The following LMNTD1 variants were observed in gnomAD, a reference collection of about 807,000 sequenced individuals.
The protein encoded by LMNTD1 is lamin tail domain-containing protein 1.
A neutral mutation model predicts 50.9 loss-of-function variants in LMNTD1; 35 were observed. That is an observed-to-expected ratio of 0.69 (90% CI 0.53 to 0.91). LMNTD1 has a LOEUF of 0.91. Among genes scored for constraint, LMNTD1 ranks in the 40% least tolerant of loss-of-function variants. The pLI is 0.00. For synonymous variants in LMNTD1, 153 were observed against 161.9 expected, an observed-to-expected ratio of 0.94 and a Z score of 0.42; for missense variants, 470 against 475.5, an observed-to-expected ratio of 0.99 and a Z score of 0.11.
chr12:25,615,047 C>A (rs549815490), intron 1 of LMNTD1, among the ~76,000 whole-genome samples: 1 of 152,288 alleles, frequency 6.6e-6, no homozygotes, highest in South Asian at 2.1e-4. Flanking sequence ...CCGTCACAAT[C>A]TGAGGTACTG....
At chr12:25,580,814 G>T (rs1023734760) in intron 1 of LMNTD1, among the ~76,000 whole-genome samples, 2 of 152,138 alleles carry the variant, frequency 1.3e-5, no homozygotes, top group East Asian at 1.9e-4. Context: ...CAGACAAACC[G>T]GAAATTGAAT....
At chr12:25,636,645 GA>G (rs1468153452) in intron 1 of LMNTD1, among the ~76,000 whole-genome samples, 3 of 152,060 alleles carry the variant, frequency 2.0e-5, no homozygotes, top group Admixed American at 6.6e-5. Context: ...TCTGCCCAGA[GA>G]AAAAGAAGAC....
At chr12:25,581,228 G>T (rs1340543179) in intron 1 of LMNTD1, among the ~76,000 whole-genome samples, 1 of 152,174 alleles carries the variant, frequency 6.6e-6, no homozygotes, top group Non-Finnish European at 1.5e-5. Context: ...CTAGGGATAA[G>T]CTAAAGGCCC....
intron 1 of LMNTD1, among the ~76,000 whole-genome samples, chr12:25,560,590 G>C (rs188274031): frequency 6.6e-6 from 1 of 152,264 alleles, no homozygotes; most frequent in African/African-American, 2.4e-5. Flanking sequence ...GAAAGTCATT[G>C]GTAGCTTGAT....
chr12:25,565,229 G>GT (rs938464943), intron 1 of LMNTD1, among the ~76,000 whole-genome samples: 72 of 150,290 alleles, frequency 4.8e-4, no homozygotes, highest in African/African-American at 6.8e-4. Context: ...GCCATTTTAT[G>GT]TTTTTTTTTG....
At position 25,476,082 on chromosome 12, in the gene LMNTD1, A is replaced by G. The variant is rs911627348; in HGVS notation, c.*401T>C. The stretch of plus-strand genomic sequence containing the variant: ...ATATTTAATGAAATGTGGCACAGTT[A>G]TGGAAAAAAGAGATTTATCAGTCAA... On this transcript the variant is annotated 3_prime_UTR_variant, in exon 10 of 10. Transcript: ENST00000458174. The G allele has an allele frequency of 1.3e-5, 2 of 152,258 alleles. No homozygotes were observed. Among genetic ancestry groups the G allele is most frequent in the Non-Finnish European group, 2.9e-5 (2 of 68,048 alleles). 9.4% of individuals were successfully genotyped at this position (152,258 alleles called of 1,614,324 possible). A position where few individuals can be genotyped will look rare whatever the true frequency, so the allele number is the denominator to read the frequency against.
At position 25,552,581 on chromosome 12, in the gene LMNTD1, G is replaced by GAAAAAAAAAAAA. The variant is rs55848800; in HGVS notation, c.89+278_89+289dup. Among the ~76,000 whole-genome samples, 4 of 58,162 alleles carry GAAAAAAAAAAAA rather than the reference G, an allele frequency of 6.9e-5. 1 individual carries two copies. The highest frequency in any genetic ancestry group is 1.3e-4 in the Non-Finnish European group (4 of 30,882). The allele number at this position is 58,162 out of a possible 152,430, so 38.2% of individuals were successfully genotyped here. A position where few individuals can be genotyped will look rare whatever the true frequency, so the allele number is the denominator to read the frequency against. ...AAGATCGCGCCACTGCACTCTGTCT[G>GAAAAAAAAAAAA]AAAAAAAAAAAAAAAAAAAACGGAA... On this transcript the variant is annotated intron_variant, in intron 2 of 9. Coordinates refer to ENST00000458174, the MANE Select transcript of LMNTD1 (RefSeq NM_001145728.2).
intron 1 of LMNTD1, among the ~76,000 whole-genome samples, chr12:25,558,963 TAC>T (rs953436257): frequency 6.4e-5 from 9 of 139,894 alleles, no homozygotes; most frequent in African/African-American, 8.8e-5. Context: ...GTCATTGACT[TAC>T]AGTTTTTTTT....
At chr12:25,567,996 G>A (rs990570831) in intron 1 of LMNTD1, among the ~76,000 whole-genome samples, 3 of 152,144 alleles carry the variant, frequency 2.0e-5, no homozygotes, top group African/African-American at 7.2e-5. Context: ...GGTTAGAGGG[G>A]TTTGGAGGGC....
At chr12:25,532,899 G>A (rs754628891) in intron 4 of LMNTD1, among the ~76,000 whole-genome samples, 2 of 151,952 alleles carry the variant, frequency 1.3e-5, no homozygotes, top group Non-Finnish European at 2.9e-5. Flanking sequence ...TTTCAGACTT[G>A]CTTTTTCTGC....
At chr12:25,497,109 G>A (rs372583154) in intron 9 of LMNTD1, among the ~76,000 whole-genome samples, 14 of 151,968 alleles carry the variant, frequency 9.2e-5, no homozygotes, top group South Asian at 4.1e-4. Context: ...TTCATCTGTC[G>A]ATGAACACGT....
At chr12:25,546,682 T>C (rs1943456548) in intron 3 of LMNTD1, 128 bp from the exon 4 acceptor site, 1 of 496,180 alleles carries the variant, frequency 2.0e-6, no homozygotes, top group Non-Finnish European at 3.3e-6. Context: ...AATATCACTA[T>C]CAAACTTAAT....
At chr12:25,637,298 G>A (rs1054688084) in intron 1 of LMNTD1, among the ~76,000 whole-genome samples, 2 of 152,064 alleles carry the variant, frequency 1.3e-5, no homozygotes, top group African/African-American at 4.8e-5. Context: ...GGAATTAGTA[G>A]GCAATGACTT....
At chr12:25,559,088 TACA>T (rs1375060335) in intron 1 of LMNTD1, among the ~76,000 whole-genome samples, 1 of 152,024 alleles carries the variant, frequency 6.6e-6, no homozygotes, top group Non-Finnish European at 1.5e-5. Flanking sequence ...GGTACATGTG[TACA>T]ACATGTGGGT....
At chr12:25,606,150 A>G (rs1264466889) in intron 1 of LMNTD1, among the ~76,000 whole-genome samples, 1 of 152,188 alleles carries the variant, frequency 6.6e-6, no homozygotes, top group Non-Finnish European at 1.5e-5. Flanking sequence ...TTATTGGTGT[A>G]TAAGAATGCT....
chr12:25,539,431 C>G (rs1389559745), intron 4 of LMNTD1, among the ~76,000 whole-genome samples: 3 of 150,700 alleles, frequency 2.0e-5, no homozygotes, highest in East Asian at 2.0e-4. Flanking sequence ...CACTCAAAAC[C>G]GCTCAACTAC....
In LMNTD1 at chr12:25,646,901, T is replaced by C. The variant is rs149115289; in HGVS notation, c.58+1593A>G. ...TTTCAACTTTGAAATTCAAATAATA[T>C]GAAAACTTCTCTATGACATGGATCT... On this transcript the variant is annotated intron_variant, in intron 1 of 7. Transcript: ENST00000445693. Among the ~76,000 whole-genome samples the C allele has an allele frequency of 3.2e-3, 491 of 152,326 alleles. 2 individuals carry two copies. Among genetic ancestry groups the C allele is most frequent in the African/African-American group, 0.012 (480 of 41,576 alleles).
At chr12:25,608,981 T>G (rs1442055708) in intron 1 of LMNTD1, among the ~76,000 whole-genome samples, 2 of 152,246 alleles carry the variant, frequency 1.3e-5, no homozygotes, top group East Asian at 3.8e-4. Context: ...ATTTGGTCTT[T>G]TCACATAGTC....
Position 25,570,240 on chromosome 12 carries a change from C to T in LMNTD1, c.59-23686G>A, listed in dbSNP as rs185088074. On this transcript the variant is annotated intron_variant, in intron 1 of 7. Transcript: ENST00000445693. ...TATTTAGATGAAACTATAGTAGCTGCGAATAAAAAATAAATATAGTGCATG... is the reference window on the plus strand; with the variant it reads ...TATTTAGATGAAACTATAGTAGCTGTGAATAAAAAATAAATATAGTGCATG... Among the ~76,000 whole-genome samples the T allele has an allele frequency of 2.3e-4, 35 of 151,956 alleles. 1 individual carries two copies. Among genetic ancestry groups the T allele is most frequent in the Admixed American group, 1.0e-3 (16 of 15,250 alleles).
Sources: gnomAD v4.1 joint callset for allele counts (sites outside exome capture counted in the v4.1 genomes callset) on GRCh38, gnomAD v4.1.1 for gene constraint, MANE v1.5 for transcripts, NCBI Gene and HGNC (gene_info 2026-07-23, HGNC 2026-07-21) for gene names.